The following GRM8 variants were observed in gnomAD, a reference collection of about 807,000 sequenced individuals.
The protein encoded by GRM8 is glutamate metabotropic receptor 8.
GRM8 carries 47 observed loss-of-function variants against 87.2 expected under a neutral mutation model. The ratio of observed to expected loss-of-function variants is 0.54; its 90% confidence interval spans 0.43 to 0.69. GRM8 has a LOEUF of 0.69. GRM8 is among the 30% of genes least tolerant of loss of function. The pLI, the probability that GRM8 is intolerant of heterozygous loss-of-function variation, is 0.00. For missense variants in GRM8, 1,019 were observed against 1,139.2 expected, an observed-to-expected ratio of 0.89 and a Z score of 1.52; for synonymous variants, 396 against 404.5, an observed-to-expected ratio of 0.98 and a Z score of 0.25.
chr7:126,526,398 C>A (rs1426904226), intron 9 of GRM8, among the ~76,000 whole-genome samples: 1 of 151,872 alleles, frequency 6.6e-6, no homozygotes, highest in East Asian at 1.9e-4. Context: ...GAAAGTTCAA[C>A]CATTTCGATG....
chr7:126,757,091 A>G (rs1817095127), intron 7 of GRM8, among the ~76,000 whole-genome samples: 4 of 152,192 alleles, frequency 2.6e-5, no homozygotes, highest in Admixed American at 1.3e-4. Context: ...TGTCTAACAA[A>G]GTAAATTTAA....
intron 7 of GRM8, among the ~76,000 whole-genome samples, chr7:126,688,333 C>CA (rs35966284): frequency 1.2e-4 from 18 of 152,156 alleles, no homozygotes; most frequent in African/African-American, 3.9e-4. Flanking sequence ...GATCTCTATG[C>CA]AAAAAAGCAC....
intron 6 of GRM8, among the ~76,000 whole-genome samples, chr7:126,800,290 T>G (rs970180450): frequency 1.3e-5 from 2 of 152,098 alleles, no homozygotes; most frequent in Non-Finnish European, 2.9e-5. Context: ...TTCATCAAAG[T>G]GTCCTTCCTA....
At chr7:126,797,921 G>C (rs1822149046) in intron 6 of GRM8, among the ~76,000 whole-genome samples, 1 of 152,020 alleles carries the variant, frequency 6.6e-6, no homozygotes, top group Non-Finnish European at 1.5e-5. Flanking sequence ...AAGTAAGATG[G>C]AGACAACAAA....
chr7:126,584,123 T>C (rs1022804114), intron 8 of GRM8, among the ~76,000 whole-genome samples: 2 of 152,236 alleles, frequency 1.3e-5, no homozygotes, highest in African/African-American at 4.8e-5. Context: ...AAGACTCAGA[T>C]AATTAGCACT....
intron 3 of GRM8, among the ~76,000 whole-genome samples, chr7:126,941,692 C>T (rs896953104): frequency 4.6e-5 from 7 of 151,678 alleles, no homozygotes; most frequent in African/African-American, 7.3e-5. Context: ...AAATAGTTAA[C>T]TTTTACTTCC....
intron 6 of GRM8, among the ~76,000 whole-genome samples, chr7:126,805,954 G>A (rs1173209739): frequency 6.6e-6 from 1 of 152,104 alleles, no homozygotes; most frequent in African/African-American, 2.4e-5. Context: ...ACTGGACGAG[G>A]TCTTTTTTCT....
At chr7:126,615,583 T>C (rs1228407154) in intron 7 of GRM8, among the ~76,000 whole-genome samples, 5 of 152,064 alleles carry the variant, frequency 3.3e-5, no homozygotes, top group African/African-American at 1.2e-4. Flanking sequence ...GACTGGCAAA[T>C]TGGATAAAGA....
At chr7:127,163,996 A>G (rs1053274099) in intron 2 of GRM8, among the ~76,000 whole-genome samples, 2 of 152,080 alleles carry the variant, frequency 1.3e-5, no homozygotes, top group African/African-American at 4.8e-5. Flanking sequence ...GTAATCCCCA[A>G]TGTTGGAAGT....
At position 126,572,447 on chromosome 7, in the gene GRM8, A is replaced by G. The variant is rs73449233; in HGVS notation, c.1494+36915T>C. On this transcript the variant is annotated intron_variant, in intron 8 of 10. Transcript: ENST00000339582. ...TGACAACATCCGATGGCTGCTCTGC[A>G]CAGGGAATGCTGGAGGATGCCAAGT... Among the ~76,000 whole-genome samples the G allele has an allele frequency of 3.4e-3, 513 of 152,340 alleles. 3 individuals are homozygous for G. The highest frequency in any genetic ancestry group is 0.011 in the African/African-American group (469 of 41,586).
intron 6 of GRM8, among the ~76,000 whole-genome samples, chr7:126,893,359 C>G (rs34108879): frequency 0.15 from 22,315 of 151,966 alleles, 1,860 homozygotes; most frequent in Non-Finnish European, 0.2. Flanking sequence ...ATTAGCATCG[C>G]AGTCAGGAAT....
intron 6 of GRM8, among the ~76,000 whole-genome samples, chr7:126,772,632 A>G (rs989716714): frequency 2.0e-5 from 3 of 152,134 alleles, no homozygotes; most frequent in Admixed American, 6.6e-5. Context: ...TGTTTAGAGA[A>G]TTTTATGGTA....
intron 8 of GRM8, among the ~76,000 whole-genome samples, chr7:126,553,168 T>C (rs2150935123): frequency 6.6e-6 from 1 of 152,300 alleles, no homozygotes; most frequent in Non-Finnish European, 1.5e-5. Context: ...ATGTATCCCC[T>C]ACTTCCTGCT....
chr7:126,893,802 A>G (rs1801288266), intron 6 of GRM8, among the ~76,000 whole-genome samples: 1 of 151,990 alleles, frequency 6.6e-6, no homozygotes, highest in Non-Finnish European at 1.5e-5. Context: ...AATTAGCCTT[A>G]GTAAGCTCTA....
intron 9 of GRM8, among the ~76,000 whole-genome samples, chr7:126,519,081 T>C (rs1812586121): frequency 1.3e-5 from 2 of 152,096 alleles, no homozygotes; most frequent in South Asian, 4.1e-4. Context: ...AACAAAAACC[T>C]TGTACTTGAA....
At chr7:126,787,737 A>C (rs946614221) in intron 6 of GRM8, among the ~76,000 whole-genome samples, 6 of 151,784 alleles carry the variant, frequency 4.0e-5, no homozygotes, top group African/African-American at 1.2e-4. Context: ...TCTTGCCCTG[A>C]CTTGCTGTGG....
At chr7:126,745,226 T>C (rs1048708196) in intron 7 of GRM8, among the ~76,000 whole-genome samples, 1 of 151,810 alleles carries the variant, frequency 6.6e-6, no homozygotes. Context: ...TATTTTTCAT[T>C]CTGTTGAGTT....
intron 6 of GRM8, among the ~76,000 whole-genome samples, chr7:126,888,262 G>T (rs1800684937): frequency 6.6e-6 from 1 of 152,010 alleles, no homozygotes; most frequent in Non-Finnish European, 1.5e-5. Flanking sequence ...TCAGACCTAT[G>T]CCTTCACTCT....
intron 9 of GRM8, among the ~76,000 whole-genome samples, chr7:126,475,979 A>G (rs1427035399): frequency 6.6e-6 from 1 of 152,170 alleles, no homozygotes; most frequent in Non-Finnish European, 1.5e-5. Context: ...AATGCATTAA[A>G]TGTATGACCT....
Sources: allele counts gnomAD v4.1 joint callset (sites outside exome capture counted in the v4.1 genomes callset), GRCh38; gene constraint gnomAD v4.1.1; transcripts MANE v1.5; gene names NCBI Gene and HGNC (gene_info 2026-07-23, HGNC 2026-07-21).